CELF2: variants seen among roughly 807,000 people sequenced by gnomAD.
CELF2 encodes CUGBP Elav-like family member 2.
In CELF2, 8 loss-of-function variants were observed where a neutral mutation model predicts 62.6. The ratio of observed to expected loss-of-function variants is 0.13; its 90% CI spans 0.07 to 0.23. The LOEUF (loss-of-function observed/expected upper bound fraction) is 0.23. Ranked by LOEUF, CELF2 falls within the 10% of genes least tolerant of loss-of-function variation. CELF2 has a pLI of 1.00. For missense variants in CELF2, 333 were observed against 671.0 expected (o/e 0.50, Z 5.56); for synonymous variants, 258 against 250.0 (o/e 1.03, Z -0.30).
chr10:10,594,009 C>T, the CELF2 span, among the ~76,000 whole-genome samples: 4 of 152,140 alleles, frequency 2.6e-5, no homozygotes, highest in African/African-American at 9.7e-5. Flanking sequence ...ATGACTTCAT[C>T]GTGATCATTA....
chr10:10,705,820 A>C, the CELF2 span, among the ~76,000 whole-genome samples: 1 of 152,182 alleles, frequency 6.6e-6, no homozygotes, highest in Non-Finnish European at 1.5e-5. Flanking sequence ...TGTGTGTCCC[A>C]GTTCGCCATG....
chr10:10,832,065 C>T (rs889606006), intron 1 of CELF2, among the ~76,000 whole-genome samples: 5 of 151,588 alleles, frequency 3.3e-5, no homozygotes, highest in African/African-American at 1.2e-4. Context: ...CTCAGGAGTT[C>T]GAGACTATCC....
chr10:11,051,239 AGTT>A (rs1464398547), intron 1 of CELF2, among the ~76,000 whole-genome samples: 1 of 152,200 alleles, frequency 6.6e-6, no homozygotes, highest in Non-Finnish European at 1.5e-5. Flanking sequence ...TTGGAAGAAA[AGTT>A]GTATTGGAGC....
rs1278182407 is a variant in CELF2 at position 11,285,493 on chromosome 10, AG to A, written c.842-2924del. The stretch of plus-strand genomic sequence containing the variant: ...TGAAGAGGAGGACACCCAGGCCCTT[AG>A]CCCTGGATCCTAAAGGAGCGGGCAG... On this transcript the variant is annotated intron_variant, in intron 8 of 12. Transcript: ENST00000633077. The surrounding 1 kb of genome is among the most constrained non-coding windows in gnomAD (Gnocchi z 4.3). 6.6e-6 allele frequency among the ~76,000 whole-genome samples: 1 copy of A among 152,224 alleles called. No homozygotes were observed. Among genetic ancestry groups the A allele is most frequent in the African/African-American group, 2.4e-5 (1 of 41,452 alleles).
chr10:11,116,341 T>C (rs1036225284), intron 1 of CELF2, among the ~76,000 whole-genome samples: 26 of 152,220 alleles, frequency 1.7e-4, no homozygotes, highest in African/African-American at 6.3e-4. Flanking sequence ...TGACTTAGTT[T>C]GACAAGAAAT....
the CELF2 span, among the ~76,000 whole-genome samples, chr10:10,538,413 C>T: frequency 6.6e-6 from 1 of 152,146 alleles, no homozygotes; most frequent in Non-Finnish European, 1.5e-5. Context: ...CAAGTAGAGG[C>T]TACACAGTGC....
intron 1 of CELF2, among the ~76,000 whole-genome samples, chr10:10,908,214 A>ATTTTTTCTT (rs2063503645): frequency 1.2e-5 from 1 of 83,738 alleles, no homozygotes; most frequent in Non-Finnish European, 2.1e-5. Flanking sequence ...GTATGAGGGG[A>ATTTTTTCTT]TTTTTTTTTT....
intron 1 of CELF2, among the ~76,000 whole-genome samples, chr10:11,114,580 A>G (rs893328734): frequency 6.6e-5 from 10 of 152,252 alleles, no homozygotes; most frequent in Non-Finnish European, 8.8e-5. Context: ...TGGAATATCA[A>G]TGCAGTCAAA....
Position 11,211,414 on chromosome 10 carries a change from A to G in CELF2, c.272-6011A>G, listed in dbSNP as rs2061738456. On this transcript the variant is annotated intron_variant, in intron 2 of 12. Coordinates refer to ENST00000633077, the MANE Select transcript of CELF2 (RefSeq NM_001326342.2). The surrounding 1 kb of genome is among the most constrained non-coding windows in gnomAD (Gnocchi z 4.8). ...AAGTTTCTTTAATGAGTATGGTGTCAGTTTTCTTAAGGGCAGAATGAGTTT... is the reference window on the plus strand; with the variant it reads ...AAGTTTCTTTAATGAGTATGGTGTCGGTTTTCTTAAGGGCAGAATGAGTTT... Among the ~76,000 whole-genome samples, 2 of 152,232 alleles carry G rather than the reference A, an allele frequency of 1.3e-5. No homozygotes were observed. Among genetic ancestry groups the G allele is most frequent in the African/African-American group, 4.8e-5 (2 of 41,462 alleles).
chr10:10,824,799 T>C (rs1288423268), intron 1 of CELF2, among the ~76,000 whole-genome samples: 1 of 152,220 alleles, frequency 6.6e-6, no homozygotes, highest in African/African-American at 2.4e-5. Context: ...TTTAGAACAA[T>C]GAATTGTTAA....
In CELF2 at chr10:11,305,953, A is replaced by G. The variant is rs2094172777; in HGVS notation, c.977-8186A>G. On this transcript the variant is annotated intron_variant, in intron 9 of 12. Coordinates refer to ENST00000633077, the MANE Select transcript of CELF2 (RefSeq NM_001326342.2). This position sits in a 1 kb window ranked among gnomAD's most constrained non-coding sequence, Gnocchi z 4.8. ...CCACAAACAGTTTTCACAAAAGGCC[A>G]CAGACTTTGTCTGCACATGAGCTGA... 6.6e-6 allele frequency among the ~76,000 whole-genome samples: 1 copy of G among 152,184 alleles called. No homozygotes were observed. Among genetic ancestry groups the G allele is most frequent in the South Asian group, 2.1e-4 (1 of 4,832 alleles).
chr10:10,695,003 T>C, the CELF2 span, among the ~76,000 whole-genome samples: 2 of 151,116 alleles, frequency 1.3e-5, no homozygotes, highest in Admixed American at 1.3e-4. Flanking sequence ...GAGAATTTAG[T>C]CCATTTAAAG....
At chr10:10,696,606 C>T in the CELF2 span, among the ~76,000 whole-genome samples, 1 of 151,996 alleles carries the variant, frequency 6.6e-6, no homozygotes, top group South Asian at 2.1e-4. Context: ...CCCAGCCTCG[C>T]TGCGGCCTTG....
Position 11,332,697 on chromosome 10 carries a change from G to A in CELF2, c.*3644G>A, listed in dbSNP as rs574555410. 1 of 151,614 alleles carries A rather than the reference G, an allele frequency of 6.6e-6. No homozygotes were observed. The highest frequency in any genetic ancestry group is 1.5e-5 in the Non-Finnish European group (1 of 68,064). 9.4% of individuals were successfully genotyped at this position (151,614 alleles called of 1,614,324 possible). A position where few individuals can be genotyped will look rare whatever the true frequency, so the allele number is the denominator to read the frequency against. ...CAGCACCCTGTTAGGATCAGTGTGT[G>A]TGGATGGGATAGCCCTGGGATGGAA... is the stretch of plus-strand genomic sequence containing the variant. On this transcript the variant is annotated 3_prime_UTR_variant, in exon 13 of 13. Coordinates refer to ENST00000633077, the MANE Select transcript of CELF2 (RefSeq NM_001326342.2).
At chr10:11,044,475 G>A (rs2062452065) in intron 1 of CELF2, among the ~76,000 whole-genome samples, 1 of 152,068 alleles carries the variant, frequency 6.6e-6, no homozygotes, top group Non-Finnish European at 1.5e-5. Flanking sequence ...ACTTCTATAT[G>A]TACGTATCAA....
At chr10:11,026,864 G>T (rs1031299255) in intron 1 of CELF2, among the ~76,000 whole-genome samples, 1 of 152,178 alleles carries the variant, frequency 6.6e-6, no homozygotes, top group Non-Finnish European at 1.5e-5. Context: ...GCAGCTGCTT[G>T]TTTCTGCGCA....
chr10:10,473,563 T>C, the CELF2 span, among the ~76,000 whole-genome samples: 1 of 152,052 alleles, frequency 6.6e-6, no homozygotes, highest in African/African-American at 2.4e-5. Flanking sequence ...TAGTCTGGGA[T>C]TTAAGAATGT....
chr10:10,912,908 G>A (rs565639732), intron 1 of CELF2, among the ~76,000 whole-genome samples: 18 of 152,204 alleles, frequency 1.2e-4, no homozygotes, highest in African/African-American at 3.6e-4. Context: ...CATTTTTCTC[G>A]TCCTAACCAT....
At chr10:11,125,442 TA>T (rs3054369) in intron 1 of CELF2, among the ~76,000 whole-genome samples, 36 of 145,792 alleles carry the variant, frequency 2.5e-4, no homozygotes, top group African/African-American at 3.0e-4. Context: ...AGTAACTGGA[TA>T]AAAAAAAAAA....
Sources: allele counts gnomAD v4.1 joint callset (sites outside exome capture counted in the v4.1 genomes callset), GRCh38; gene constraint gnomAD v4.1.1; non-coding constraint Gnocchi (gnomAD v3.1); transcripts MANE v1.5; gene names NCBI Gene and HGNC (gene_info 2026-07-23, HGNC 2026-07-21).